The following RECK variants were observed in gnomAD, a reference collection of about 807,000 sequenced individuals.
The protein encoded by RECK is reversion inducing cysteine rich protein with kazal motifs.
A neutral mutation model predicts 115.1 loss-of-function variants in RECK; 69 were observed. The ratio of observed to expected loss-of-function variants is 0.60; its 90% CI spans 0.49 to 0.73. The LOEUF (loss-of-function observed/expected upper bound fraction) is 0.73. Ranked by LOEUF, RECK falls within the 30% of genes least tolerant of loss-of-function variation. The pLI is 0.00. For synonymous variants in RECK, 414 were observed against 419.7 expected (o/e 0.99, Z 0.17); for missense variants, 1,047 against 1,203.7 (o/e 0.87, Z 1.93).
intron 2 of RECK, among the ~76,000 whole-genome samples, chr9:36,054,616 G>A (rs530411813): frequency 1.5e-4 from 22 of 151,724 alleles, no homozygotes; most frequent in African/African-American, 5.1e-4. Context: ...AGTTAAAACA[G>A]TATCTAACAC....
chr9:36,105,892 G>A (rs1399141186), intron 13 of RECK, among the ~76,000 whole-genome samples: 2 of 152,068 alleles, frequency 1.3e-5, no homozygotes, highest in Non-Finnish European at 2.9e-5. Flanking sequence ...TCCCAATTGA[G>A]AATGTTTCTT....
chr9:36,039,283 G>T (rs1820783756), intron 1 of RECK, among the ~76,000 whole-genome samples: 1 of 152,154 alleles, frequency 6.6e-6, no homozygotes, highest in African/African-American at 2.4e-5. Context: ...ATGGACAAAG[G>T]CTTCCACTGT....
intron 10 of RECK, among the ~76,000 whole-genome samples, chr9:36,099,152 C>T (rs1382312414): frequency 6.6e-6 from 1 of 151,802 alleles, no homozygotes; most frequent in Non-Finnish European, 1.5e-5. Context: ...CCTGAGCCCA[C>T]AAGGTCGAGG....
At chr9:36,117,314 TAAAAA>T in intron 17 of RECK, 137 bp downstream of exon 17, 1 of 646,062 alleles carries the variant, frequency 1.5e-6, no homozygotes, top group Non-Finnish European at 2.5e-6. Context: ...AGTCCTCCAC[TAAAAA>T]GGAAGACTGG....
chr9:36,060,263 T>A (rs1821702246), intron 4 of RECK, 108 bp downstream of exon 4: 1 of 1,099,366 alleles, frequency 9.1e-7, no homozygotes, highest in South Asian at 1.4e-5. Context: ...GGAGTTTCTA[T>A]CCTCTCCTTC....
intron 1 of RECK, among the ~76,000 whole-genome samples, chr9:36,040,714 T>C (rs1390301309): frequency 6.6e-6 from 1 of 150,868 alleles, no homozygotes; most frequent in Non-Finnish European, 1.5e-5. Context: ...GACTCAAGAG[T>C]AGAGTGGTGT....
chr9:36,075,304 C>G (rs949905789), intron 6 of RECK, among the ~76,000 whole-genome samples: 3 of 152,236 alleles, frequency 2.0e-5, no homozygotes, highest in African/African-American at 7.2e-5. Context: ...CCTTGTGTTT[C>G]TCTGCAGATG....
chr9:36,088,036 G>A (rs41302061), intron 9 of RECK, 75 bp downstream of exon 9: 1,093 of 1,108,018 alleles, frequency 9.9e-4, no homozygotes, highest in East Asian at 1.9e-3. Flanking sequence ...CCTAGCAAAC[G>A]TGTGTTATAT....
intron 12 of RECK, among the ~76,000 whole-genome samples, chr9:36,103,605 T>A (rs2132654457): frequency 6.6e-6 from 1 of 152,354 alleles, no homozygotes; most frequent in Non-Finnish European, 1.5e-5. Flanking sequence ...GGAGATCTTT[T>A]AGTAATCAGG....
At chr9:36,102,754 G>T (rs1346701058) in intron 12 of RECK, among the ~76,000 whole-genome samples, 2 of 151,994 alleles carry the variant, frequency 1.3e-5, no homozygotes, top group East Asian at 3.9e-4. Flanking sequence ...AGGGGATCGA[G>T]ACCATCCTGG....
intron 16 of RECK, among the ~76,000 whole-genome samples, chr9:36,115,037 G>A (rs537232337): frequency 2.2e-4 from 33 of 152,092 alleles, no homozygotes; most frequent in African/African-American, 8.0e-4. Flanking sequence ...AATTGTGGCC[G>A]GGCACGGTGG....
chr9:36,097,747 A>G (rs1004524545), intron 10 of RECK, among the ~76,000 whole-genome samples: 11 of 152,230 alleles, frequency 7.2e-5, no homozygotes, highest in African/African-American at 2.7e-4. Context: ...CTGCAGCATT[A>G]TTTACAATAG....
At chr9:36,042,423 AGTGTGTGTGTGTGTGT>A (rs35193636) in intron 1 of RECK, among the ~76,000 whole-genome samples, 72 of 144,460 alleles carry the variant, frequency 5.0e-4, no homozygotes, top group Admixed American at 7.6e-4. Context: ...AGTATTCCAT[AGTGTGTGTGTGTGTGT>A]GTGTGTGTGT....
rs1205750341 is a variant in RECK, at chr9:36,105,252, A to G, written c.1545A>G (p.Gly515=). 6.2e-7 allele frequency: 1 copy of G among 1,614,020 alleles called. No individual in the cohort carries two copies. Among genetic ancestry groups the G allele is most frequent in the Non-Finnish European group, 8.5e-7 (1 of 1,180,014 alleles). The change falls in exon 13 of 21, where the codon GGA becomes GGG. Residue 515 remains glycine, a synonymous_variant. Transcript: ENST00000377966. ...CEVNRKGCPS[G]DPCLPYFCVQ... is the part of the protein sequence containing the mutation. Reference sequence around the variant, plus strand: ...TAAACCGAAAAGGATGTCCATCTGGAGATCCCTGTCTTCCATACTTTTGTG... The same window carrying G: ...TAAACCGAAAAGGATGTCCATCTGGGGATCCCTGTCTTCCATACTTTTGTG...
intron 8 of RECK, chr9:36,085,182 AT>A (rs1327272335): frequency 8.7e-6 from 2 of 229,594 alleles, no homozygotes; most frequent in Admixed American, 4.9e-5. Context: ...CAGTGTTTGA[AT>A]TTTTTGCCAA....
At chr9:36,110,800 G>T (rs545609897) in intron 15 of RECK, among the ~76,000 whole-genome samples, 1 of 151,906 alleles carries the variant, frequency 6.6e-6, no homozygotes, top group Non-Finnish European at 1.5e-5. Flanking sequence ...TGTGGAGAGG[G>T]GTGGGGGCCG....
intron 1 of RECK, among the ~76,000 whole-genome samples, chr9:36,047,714 G>A (rs531026581): frequency 6.0e-5 from 9 of 151,048 alleles, no homozygotes; most frequent in African/African-American, 1.7e-4. Context: ...CTGAAATGTA[G>A]TGAAATTTTT....
chr9:36,098,278 A>G (rs1204444764), intron 10 of RECK, among the ~76,000 whole-genome samples: 3 of 152,242 alleles, frequency 2.0e-5, no homozygotes, highest in Admixed American at 6.5e-5. Flanking sequence ...AGCTTAATTT[A>G]GCCATTCCAC....
At chr9:36,110,931 G>T (rs1370890156) in intron 15 of RECK, among the ~76,000 whole-genome samples, 1 of 152,004 alleles carries the variant, frequency 6.6e-6, no homozygotes, top group East Asian at 1.9e-4. Context: ...GGAAGTAGAG[G>T]TAGGACGAAC....
Sources: gnomAD v4.1 joint callset for allele counts (sites outside exome capture counted in the v4.1 genomes callset) on GRCh38, gnomAD v4.1.1 for gene constraint, MANE v1.5 for transcripts, NCBI Gene and HGNC (gene_info 2026-07-23, HGNC 2026-07-21) for gene names.